NUP98: variants seen among roughly 807,000 people sequenced by gnomAD.
The protein encoded by NUP98 is nucleoporin 98 and 96 precursor.
Under a neutral mutation model 191.9 loss-of-function variants are expected in NUP98, and 26 were observed. The observed-to-expected ratio is 0.14, with a 90% CI of 0.10 to 0.19. The LOEUF is 0.19. Ranked by LOEUF, NUP98 falls within the 10% of genes least tolerant of loss-of-function variation. The pLI is 1.00. For missense variants in NUP98, 1,941 were observed against 2,178.8 expected, an observed-to-expected ratio of 0.89 and a Z score of 2.17; for synonymous variants, 808 against 778.4, an observed-to-expected ratio of 1.04 and a Z score of -0.63.
At chr11:3,749,927 A>C (rs1381480240) in intron 11 of NUP98, among the ~76,000 whole-genome samples, 1 of 152,228 alleles carries the variant, frequency 6.6e-6, no homozygotes, top group African/African-American at 2.4e-5. Context: ...AAATTCAACC[A>C]AAATCTGAAA....
intron 1 of NUP98, among the ~76,000 whole-genome samples, chr11:3,786,759 T>C (rs1400480299): frequency 6.6e-6 from 1 of 152,242 alleles, no homozygotes; most frequent in African/African-American, 2.4e-5. Flanking sequence ...CTTAGTTTTC[T>C]ACCCAGAAAA....
rs780341576 is a variant in NUP98 at position 3,686,143 on chromosome 11, A to C, written c.4506T>G (p.Pro1502=). 6.2e-7 allele frequency: 1 copy of C among 1,614,234 alleles called. No individual in the cohort carries two copies. Among genetic ancestry groups the C allele is most frequent in the Non-Finnish European group, 8.5e-7 (1 of 1,180,034 alleles). The part of the protein sequence containing the change: ...LLEPRSITAD[P]LDYRLSWHLW... ...AGTGCCAGCTTAGGCGGTAGTCCAAAGGATCTGCTGTTATGCTTCGAGGCT... is the reference window on the plus strand; with the variant it reads ...AGTGCCAGCTTAGGCGGTAGTCCAACGGATCTGCTGTTATGCTTCGAGGCT... Residue 1502 remains proline, a synonymous_variant, in exon 29 of 33, where the codon CCT becomes CCG. Coordinates refer to ENST00000324932, the MANE Select transcript of NUP98 (RefSeq NM_016320.5).
intron 13 of NUP98, among the ~76,000 whole-genome samples, chr11:3,731,857 T>C (rs548646605): frequency 1.3e-5 from 2 of 152,286 alleles, no homozygotes; most frequent in East Asian, 3.9e-4. Flanking sequence ...AATGTGAAAA[T>C]CCAAAATCCA....
chr11:3,750,564 AAC>A lies in NUP98; in HGVS notation c.1267+2750_1267+2751del, dbSNP rs1438217268. On this transcript the variant is annotated intron_variant, in intron 11 of 32. Transcript: ENST00000324932. The stretch of plus-strand genomic sequence containing the variant: ...AAATCACTGAGATCCGAAACACATA[AAC>A]ACAAACACAACTGAGACAAAGTTTC... 3.9e-5 allele frequency among the ~76,000 whole-genome samples: 6 copies of A among 152,320 alleles called. No individual in the cohort carries two copies. The East Asian group carries it at 1.2e-3, about 29-fold the overall frequency.
At chr11:3,720,601 G>A (rs187885295) in intron 17 of NUP98, 111 bp downstream of exon 17, 1 of 572,614 alleles carries the variant, frequency 1.7e-6, no homozygotes, top group Admixed American at 3.3e-5. Context: ...TTCAGGCCAA[G>A]GTGGGCCCAA....
At chr11:3,770,784 A>C (rs943295272) in intron 7 of NUP98, among the ~76,000 whole-genome samples, 4 of 152,136 alleles carry the variant, frequency 2.6e-5, no homozygotes, top group Non-Finnish European at 5.9e-5. Context: ...CTCCTCTTTC[A>C]CATCCCACAT....
chr11:3,751,188 G>A (rs567019472), intron 11 of NUP98, among the ~76,000 whole-genome samples: 2 of 151,996 alleles, frequency 1.3e-5, no homozygotes, highest in African/African-American at 4.8e-5. Context: ...GAGAAACCCC[G>A]TCTCTCCTAA....
At chr11:3,787,256 T>G (rs1338833640) in intron 1 of NUP98, among the ~76,000 whole-genome samples, 1 of 152,220 alleles carries the variant, frequency 6.6e-6, no homozygotes, top group East Asian at 1.9e-4. Context: ...GATAGATCTT[T>G]GATCAAGCCA....
At chr11:3,693,174 T>C (rs2078372900) in intron 27 of NUP98, 58 bp downstream of exon 27, 1 of 1,578,214 alleles carries the variant, frequency 6.3e-7, no homozygotes, top group Non-Finnish European at 8.7e-7. Context: ...TCCGCTTCAA[T>C]TTGACAATAC....
chr11:3,732,817 ATTC>A (rs1252404539), intron 13 of NUP98, among the ~76,000 whole-genome samples: 2 of 152,196 alleles, frequency 1.3e-5, no homozygotes, highest in Non-Finnish European at 2.9e-5. Flanking sequence ...GTCAGAATTT[ATTC>A]TTCTCTTCCC....
intron 27 of NUP98, 123 bp from the exon 28 acceptor site, chr11:3,691,612 G>A: frequency 1.3e-5 from 12 of 924,856 alleles, no homozygotes; most frequent in Non-Finnish European, 1.8e-5. Flanking sequence ...GGAGTGCAGT[G>A]GGACAATCTC....
intron 7 of NUP98, among the ~76,000 whole-genome samples, chr11:3,769,042 A>T (rs2081431532): frequency 6.6e-6 from 1 of 152,216 alleles, no homozygotes. Flanking sequence ...CAGCATGTGT[A>T]TTTTAACCTT....
At chr11:3,701,089 T>C (rs1272299033) in intron 23 of NUP98, among the ~76,000 whole-genome samples, 1 of 152,094 alleles carries the variant, frequency 6.6e-6, no homozygotes, top group African/African-American at 2.4e-5. Flanking sequence ...AGCATGAGAA[T>C]CCTAACAGAT....
At chr11:3,742,428 C>T (rs563963252) in intron 12 of NUP98, among the ~76,000 whole-genome samples, 5 of 152,086 alleles carry the variant, frequency 3.3e-5, no homozygotes, top group African/African-American at 7.2e-5. Flanking sequence ...GGGCCAGGTG[C>T]GGTGGCTCAC....
intron 31 of NUP98, 69 bp from the exon 32 acceptor site, chr11:3,676,689 C>G (rs200591537): frequency 2.1e-4 from 255 of 1,196,956 alleles, no homozygotes; most frequent in Non-Finnish European, 3.0e-4. Flanking sequence ...CCTATAGACT[C>G]TACACAAAAC....
chr11:3,676,223 G>A lies in NUP98; in HGVS notation c.5339C>T (p.Ala1780Val), dbSNP rs940810471. 1 of 1,614,180 alleles carries A rather than the reference G, an allele frequency of 6.2e-7. No homozygotes were observed. The highest frequency in any genetic ancestry group is 1.7e-5 in the Admixed American group (1 of 60,034). The change falls in exon 33 of 33, where the codon GCC becomes GTC. Residue 1780 changes from alanine to valine, a missense_variant. By Grantham distance (64) the Ala-to-Val change is moderately conservative. This residue lies in a region of NUP98 where 1,030 missense variants were observed against 1,115.8 expected (regional missense o/e 0.92). Transcript: ENST00000324932. ...IGRLPMPEDY[A>V]MDELRSLTQS... ...GGTAAGGCTGCGCAGTTCGTCCATGGCATAGTCCTCAGGCATGGGAAGCCG... is the reference window on the plus strand; with the variant it reads ...GGTAAGGCTGCGCAGTTCGTCCATGACATAGTCCTCAGGCATGGGAAGCCG...
At chr11:3,778,848 A>G (rs751404544) in intron 4 of NUP98, 25 bp downstream of exon 4, 2 of 1,603,536 alleles carry the variant, frequency 1.2e-6, no homozygotes, top group African/African-American at 2.7e-5. Context: ...TATTAGATGC[A>G]GAACTCCAGT....
Position 3,712,687 on chromosome 11 carries a change from T to C in NUP98, c.2619A>G (p.Glu873=). 6.2e-7 allele frequency: 1 copy of C among 1,613,244 alleles called. No individual in the cohort carries two copies. The highest frequency in any genetic ancestry group is 8.5e-7 in the Non-Finnish European group (1 of 1,179,960). The change falls in exon 20 of 33, where the codon GAA becomes GAG. Residue 873 remains glutamate (E), a synonymous_variant. Transcript: ENST00000324932. ...FSKYGLQDSD[E]EEEEHPSKTS... is the part of the protein sequence containing the mutation. ...TTTTAGACGGATGCTCCTCCTCCTC[T>C]TCATCAGAATCCTGAAGGCCATACT...
rs58867754 is a variant in NUP98, at chr11:3,753,755, C to CAAAAAAAAAAAAAA, written c.1175-361_1175-348dup. ...GTGAAACCCCGTCTCTATAAAAATA[C>CAAAAAAAAAAAAAA]AAAAAAAAAAAAAAAAAAAAAAAAA... On this transcript the variant is annotated intron_variant, in intron 10 of 32. Coordinates refer to ENST00000324932, the MANE Select transcript of NUP98 (RefSeq NM_016320.5). 5.9e-4 allele frequency among the ~76,000 whole-genome samples: 6 copies of CAAAAAAAAAAAAAA among 10,174 alleles called. 3 individuals carry two copies. The highest frequency in any genetic ancestry group is 2.7e-3 in the African/African-American group (6 of 2,216). The allele number at this position is 10,174 out of a possible 152,430, so 6.7% of individuals were successfully genotyped here.
Sources: gnomAD v4.1 joint callset for allele counts (sites outside exome capture counted in the v4.1 genomes callset) on GRCh38, gnomAD v4.1.1 for gene constraint, gnomAD v4.1.1 regional missense constraint, MANE v1.5 for transcripts, NCBI Gene and HGNC (gene_info 2026-07-23, HGNC 2026-07-21) for gene names.